Variants in APC observed in about 807,000 individuals in gnomAD.
APC encodes the protein APC regulator of Wnt signaling pathway.
A neutral mutation model predicts 247.0 loss-of-function variants in APC; 72 were observed. The observed-to-expected ratio is 0.29, with a 90% confidence interval of 0.24 to 0.35. The LOEUF (loss-of-function observed/expected upper bound fraction) is 0.35. Among genes scored for constraint, APC ranks in the 10% least tolerant of loss-of-function variants. The pLI is 1.00. For synonymous variants in APC, 1,254 were observed against 1,162.5 expected, an observed-to-expected ratio of 1.08 and a Z score of -1.60; for missense variants, 3,400 against 3,360.7, an observed-to-expected ratio of 1.01 and a Z score of -0.29.
chr5:112,739,662 C>T (rs535495512), intron 1 of APC, among the ~76,000 whole-genome samples: 57 of 152,164 alleles, frequency 3.7e-4, no homozygotes, highest in African/African-American at 1.3e-3. Flanking sequence ...TGAGCCTTGG[C>T]GTTCAAGACC....
chr5:112,770,017 G>A (rs1376411785), intron 4 of APC, among the ~76,000 whole-genome samples: 1 of 151,974 alleles, frequency 6.6e-6, no homozygotes, highest in Admixed American at 6.6e-5. Flanking sequence ...AGAGGCAGAG[G>A]GCATGCATAC....
Position 112,792,671 on chromosome 5 carries a change from A to G in APC, c.729+142A>G, listed in dbSNP as rs1483326327. On this transcript the variant is annotated intron_variant, in intron 7 of 15. Transcript: ENST00000257430. Reference sequence around the variant, plus strand: ...TAAATACCGTAATTTTTTTCGTGAAATTAAATTATCAAAGATTTGGACTAT... The same window carrying G: ...TAAATACCGTAATTTTTTTCGTGAAGTTAAATTATCAAAGATTTGGACTAT... 7.6e-6 allele frequency: 5 copies of G among 660,206 alleles called. No homozygotes were observed. The Admixed American group carries it at 1.3e-4, about 17-fold the overall frequency. 40.9% of individuals were successfully genotyped at this position (660,206 alleles called of 1,614,324 possible).
In APC at chr5:112,809,642, A is replaced by G. The variant is rs1201715608; in HGVS notation, c.835-5853A>G. ...TTCATTGCTGATCTTGTCAAATGCA[A>G]TTCCTTGGGCCTTCTTTCCTACTAT... On this transcript the variant is annotated intron_variant, in intron 8 of 15. Coordinates refer to ENST00000257430, the MANE Select transcript of APC (RefSeq NM_000038.6). Among the ~76,000 whole-genome samples the G allele has an allele frequency of 7.2e-5, 11 of 152,206 alleles. No homozygotes were observed. In the South Asian group the frequency reaches 1.9e-3, roughly 26 times the overall value.
chr5:112,839,095 TGAA>T lies in APC; in HGVS notation c.3504_3506del (p.Glu1169del), dbSNP rs750693695. 1.9e-6 allele frequency: 3 copies of T among 1,614,098 alleles called. No homozygotes were observed. Among genetic ancestry groups the T allele is most frequent in the Admixed American group, 3.3e-5 (2 of 60,012 alleles). Reference sequence around the variant, plus strand: ...CAACAAATTATAGCATAAAATATAATGAAGAGAAACGTCATGTGGATCAGCCTA... The same window carrying T: ...CAACAAATTATAGCATAAAATATAATGAGAAACGTCATGTGGATCAGCCTA... On this transcript the variant is annotated inframe_deletion, in exon 16 of 16. Transcript: ENST00000257430. This position sits in a 1 kb window ranked among gnomAD's most constrained non-coding sequence, Gnocchi z 5.0.
intron 8 of APC, among the ~76,000 whole-genome samples, chr5:112,811,774 A>G (rs1285456459): frequency 1.3e-5 from 2 of 152,202 alleles, no homozygotes; most frequent in African/African-American, 4.8e-5. Flanking sequence ...TGCATAACAA[A>G]TTGCCCCCAA....
chr5:112,806,598 A>C (rs1009654722), intron 8 of APC, among the ~76,000 whole-genome samples: 2 of 139,462 alleles, frequency 1.4e-5, no homozygotes, highest in African/African-American at 5.8e-5. Flanking sequence ...ATTTATTGAG[A>C]TAGGGTCTCA....
Position 112,838,449 on chromosome 5 carries a change from C to G in APC, c.2855C>G (p.Ala952Gly), listed in dbSNP as rs776560257. The change falls in exon 16 of 16, where the codon GCC (alanine) becomes GGC (glycine). Residue 952 changes from alanine to glycine, a missense_variant. Around this residue, in one of 9 missense-constraint regions of APC, gnomAD observed 715 missense variants for 656.6 expected, o/e 1.09. Coordinates refer to ENST00000257430, the MANE Select transcript of APC (RefSeq NM_000038.6). ...AATAGGACATGTTCTATGCCTTATG[C>G]CAAATTAGAATACAAGAGATCTTCA... ...NSNRTCSMPYAKLEYKRSSND... is the reference protein window; with the variant it reads ...NSNRTCSMPYGKLEYKRSSND... 1 of 1,614,092 alleles carries G rather than the reference C, an allele frequency of 6.2e-7. No homozygotes were observed. The highest frequency in any genetic ancestry group is 8.5e-7 in the Non-Finnish European group (1 of 1,180,010).
At chr5:112,835,499 A>G (rs1377450999) in intron 15 of APC, among the ~76,000 whole-genome samples, 2 of 152,174 alleles carry the variant, frequency 1.3e-5, no homozygotes, top group African/African-American at 4.8e-5. Context: ...GAACAAGACA[A>G]AAACTATGAG....
At chr5:112,722,858 T>G (rs1751560314) in intron 1 of APC, among the ~76,000 whole-genome samples, 1 of 152,118 alleles carries the variant, frequency 6.6e-6, no homozygotes, top group Non-Finnish European at 1.5e-5. Context: ...CCCTGTCCTC[T>G]TGGCTTTTTA....
intron 1 of APC, among the ~76,000 whole-genome samples, chr5:112,713,199 A>G (rs1168642384): frequency 6.6e-6 from 1 of 151,534 alleles, no homozygotes; most frequent in African/African-American, 2.4e-5. Context: ...AGTATCTCAC[A>G]TAAAAAGTCC....
At chr5:112,751,118 A>T (rs1002319422) in intron 1 of APC, among the ~76,000 whole-genome samples, 1 of 152,088 alleles carries the variant, frequency 6.6e-6, no homozygotes, top group South Asian at 2.1e-4. Context: ...ATAACTTTGG[A>T]CTTACAGAAG....
chr5:112,730,447 G>C (rs1752044053), intron 1 of APC, among the ~76,000 whole-genome samples: 1 of 152,200 alleles, frequency 6.6e-6, no homozygotes, highest in South Asian at 2.1e-4. Context: ...ACTGTTGGGT[G>C]AATTTGGATA....
chr5:112,734,955 C>G (rs1285190633), upstream of APC, among the ~76,000 whole-genome samples: 1 of 151,610 alleles, frequency 6.6e-6, no homozygotes, highest in Non-Finnish European at 1.5e-5. Context: ...ATTAAGAATC[C>G]TATTAATCCT....
chr5:112,737,989 C>A, intron 1 of APC, 64 bp downstream of exon 1: 1 of 947,664 alleles, frequency 1.1e-6, no homozygotes, highest in Non-Finnish European at 1.3e-6. Context: ...GGTTTTCCCT[C>A]GCACTGTCTT....
At chr5:112,834,238 CTTTTTTTTTTTTT>C (rs963878310) in intron 14 of APC, among the ~76,000 whole-genome samples, 1 of 126,594 alleles carries the variant, frequency 7.9e-6, no homozygotes, top group East Asian at 2.4e-4. Flanking sequence ...CACGTTGCGC[CTTTTTTTTTTTTT>C]TTTTTTTTTA....
intron 2 of APC, among the ~76,000 whole-genome samples, chr5:112,762,055 A>G (rs562962511): frequency 6.6e-6 from 1 of 152,296 alleles, no homozygotes; most frequent in African/African-American, 2.4e-5. Context: ...ACCAGTAACA[A>G]AAAGACAATC....
intron 6 of APC, among the ~76,000 whole-genome samples, chr5:112,787,607 T>C (rs1759110348): frequency 6.6e-6 from 1 of 152,212 alleles, no homozygotes; most frequent in African/African-American, 2.4e-5. Context: ...CTAAGTTACT[T>C]CCTCATATCC....
In APC at chr5:112,840,001, A is replaced by G. The variant is rs1193656466; in HGVS notation, c.4407A>G (p.Gln1469=). 1 of 1,614,032 alleles carries G rather than the reference A, an allele frequency of 6.2e-7. No homozygotes were observed. Among genetic ancestry groups the G allele is most frequent in the Non-Finnish European group, 8.5e-7 (1 of 1,180,040 alleles). The change falls in exon 16 of 16, where the codon CAA becomes CAG. Residue 1469 remains glutamine (Q), a synonymous_variant. Transcript: ENST00000257430. This position sits in a 1 kb window ranked among gnomAD's most constrained non-coding sequence, Gnocchi z 4.1. The stretch of plus-strand genomic sequence containing the variant: ...AAAAGAGAGAGAGTGGACCTAAGCA[A>G]GCTGCAGTAAATGCTGCAGTTCAGA... ...TAEKRESGPK[Q]AAVNAAVQRV... is the part of the protein sequence containing the mutation.
At chr5:112,835,235 A>C (rs752187324) in intron 15 of APC, 70 bp downstream of exon 15, 7 of 1,321,550 alleles carry the variant, frequency 5.3e-6, no homozygotes, top group East Asian at 2.5e-5. Context: ...AATTGTAAGC[A>C]ATGTTTTATA....
Sources: allele counts gnomAD v4.1 joint callset (sites outside exome capture counted in the v4.1 genomes callset), GRCh38; gene constraint gnomAD v4.1.1; regional missense constraint gnomAD v4.1.1; non-coding constraint Gnocchi (gnomAD v3.1); transcripts MANE v1.5; gene names NCBI Gene and HGNC (gene_info 2026-07-23, HGNC 2026-07-21).